Variants in GALNTL6 observed in about 807,000 individuals in gnomAD.
GALNTL6 encodes the protein polypeptide N-acetylgalactosaminyltransferase like 6.
In GALNTL6, 46 loss-of-function variants were observed where a neutral mutation model predicts 73.7. That is an observed-to-expected ratio of 0.62 (90% CI 0.49 to 0.80). The LOEUF (loss-of-function observed/expected upper bound fraction) is 0.80, where lower values mean the gene tolerates loss of function less well. GALNTL6 is among the 30% of genes least tolerant of loss of function. GALNTL6 has a pLI of 0.00. For synonymous variants in GALNTL6, 259 were observed against 263.7 expected, an observed-to-expected ratio of 0.98 and a Z score of 0.17; for missense variants, 604 against 755.0, an observed-to-expected ratio of 0.80 and a Z score of 2.34.
Position 172,598,697 on chromosome 4 carries a change from A to T in GALNTL6, c.554-210664A>T, listed in dbSNP as rs554529922. ...ACCTATCATCCAAACACATAAACAA[A>T]TTCTTTTTGAAACAGTCAGAAATGT... On this transcript the variant is annotated intron_variant, in intron 5 of 12. Transcript: ENST00000506823. Among the ~76,000 whole-genome samples the T allele has an allele frequency of 2.0e-5, 3 of 152,256 alleles. No individual in the cohort carries two copies. In the South Asian group the frequency reaches 6.2e-4, roughly 32 times the overall value.
chr4:172,965,082 G>C (rs573837085), intron 10 of GALNTL6, among the ~76,000 whole-genome samples: 4 of 152,328 alleles, frequency 2.6e-5, no homozygotes, highest in Admixed American at 6.5e-5. Flanking sequence ...CATTCAGACT[G>C]TATTAGACTT....
chr4:171,894,668 T>C (rs1736857775), intron 2 of GALNTL6, among the ~76,000 whole-genome samples: 1 of 152,186 alleles, frequency 6.6e-6, no homozygotes, highest in Admixed American at 6.5e-5. Context: ...GGCCCAACTG[T>C]TTCTTTTAAA....
At chr4:172,276,251 G>T (rs1054210009) in intron 3 of GALNTL6, among the ~76,000 whole-genome samples, 1 of 152,086 alleles carries the variant, frequency 6.6e-6, no homozygotes, top group African/African-American at 2.4e-5. Context: ...CATGAATGTG[G>T]ACATGTTTCC....
At chr4:172,379,888 G>A (rs1359321553) in intron 5 of GALNTL6, 1 of 504,812 alleles carries the variant, frequency 2.0e-6, no homozygotes, top group Non-Finnish European at 3.7e-6. Flanking sequence ...TTGCTAATGT[G>A]CATTTAATCA....
At chr4:172,161,508 AT>A (rs1384511836) in intron 2 of GALNTL6, among the ~76,000 whole-genome samples, 1 of 152,056 alleles carries the variant, frequency 6.6e-6, no homozygotes, top group African/African-American at 2.4e-5. Flanking sequence ...CAGAGAAACC[AT>A]TTTGCTGATG....
At chr4:172,984,593 A>G (rs1004489370) in intron 10 of GALNTL6, among the ~76,000 whole-genome samples, 1 of 152,144 alleles carries the variant, frequency 6.6e-6, no homozygotes, top group African/African-American at 2.4e-5. Flanking sequence ...TGTGGAAACA[A>G]TAGACACTGG....
chr4:172,182,471 C>CT (rs201315332), intron 2 of GALNTL6, among the ~76,000 whole-genome samples: 9,639 of 142,616 alleles, frequency 0.068, 502 homozygotes, highest in African/African-American at 0.16. Context: ...CAGATATCTT[C>CT]TTTTTTTTTG....
chr4:172,747,434 T>G (rs1338127234), intron 5 of GALNTL6, among the ~76,000 whole-genome samples: 1 of 151,960 alleles, frequency 6.6e-6, no homozygotes, highest in Non-Finnish European at 1.5e-5. Context: ...GATAGCTAAT[T>G]ATCAAAAAAA....
At chr4:172,376,302 G>A (rs1459700440) in intron 5 of GALNTL6, among the ~76,000 whole-genome samples, 1 of 152,194 alleles carries the variant, frequency 6.6e-6, no homozygotes, top group African/African-American at 2.4e-5. Context: ...TTAGGACCCA[G>A]GAGTCAAGGG....
At chr4:172,104,384 C>A (rs1232806116) in intron 2 of GALNTL6, among the ~76,000 whole-genome samples, 1 of 151,814 alleles carries the variant, frequency 6.6e-6, no homozygotes, top group Non-Finnish European at 1.5e-5. Flanking sequence ...GAAACATCGA[C>A]TTAAATTAAA....
At chr4:172,603,753 A>T (rs1738154723) in intron 5 of GALNTL6, among the ~76,000 whole-genome samples, 1 of 152,200 alleles carries the variant, frequency 6.6e-6, no homozygotes, top group Admixed American at 6.5e-5. Flanking sequence ...TCTATATGTC[A>T]ATGCTTGATT....
At chr4:172,493,868 C>T (rs2110754814) in intron 5 of GALNTL6, among the ~76,000 whole-genome samples, 1 of 152,224 alleles carries the variant, frequency 6.6e-6, no homozygotes, top group African/African-American at 2.4e-5. Context: ...AGCCTTGTTT[C>T]CTCATACCCT....
chr4:172,695,678 T>A (rs570281492), intron 5 of GALNTL6, among the ~76,000 whole-genome samples: 127 of 152,350 alleles, frequency 8.3e-4, no homozygotes, highest in African/African-American at 2.8e-3. Flanking sequence ...CTGGGCACTG[T>A]GGCTCACGCC....
intron 5 of GALNTL6, among the ~76,000 whole-genome samples, chr4:172,399,665 T>G (rs1743970780): frequency 6.6e-6 from 1 of 152,126 alleles, no homozygotes; most frequent in East Asian, 1.9e-4. Flanking sequence ...GCAGGAGTCC[T>G]AGATATGTGT....
chr4:171,860,696 A>C (rs1174884790), intron 2 of GALNTL6, among the ~76,000 whole-genome samples: 2 of 152,166 alleles, frequency 1.3e-5, no homozygotes, highest in African/African-American at 4.8e-5. Context: ...TTATTTGACC[A>C]ATCAGTAAAT....
chr4:172,469,107 G>A (rs1376628298), intron 5 of GALNTL6, among the ~76,000 whole-genome samples: 3 of 152,178 alleles, frequency 2.0e-5, no homozygotes, highest in South Asian at 4.1e-4. Context: ...GATGAGTTGA[G>A]CCAAGTCTAT....
intron 7 of GALNTL6, among the ~76,000 whole-genome samples, chr4:172,838,185 A>ACACCTCC (rs1360487832): frequency 2.0e-5 from 3 of 152,194 alleles, no homozygotes; most frequent in Non-Finnish European, 4.4e-5. Context: ...TCCTCCCGTC[A>ACACCTCC]CACCTCCCAC....
chr4:172,824,649 T>A (rs1380874591), intron 7 of GALNTL6, among the ~76,000 whole-genome samples: 1 of 152,150 alleles, frequency 6.6e-6, no homozygotes, highest in Non-Finnish European at 1.5e-5. Flanking sequence ...TTTGAGTCTA[T>A]GCTGCTGTCT....
intron 2 of GALNTL6, among the ~76,000 whole-genome samples, chr4:172,164,966 G>A (rs1227767566): frequency 3.3e-5 from 5 of 152,052 alleles, no homozygotes; most frequent in South Asian, 2.1e-4. Flanking sequence ...TCAGGTGCTC[G>A]CCTTATCAAC....
Sources: allele counts gnomAD v4.1 joint callset (sites outside exome capture counted in the v4.1 genomes callset), GRCh38; gene constraint gnomAD v4.1.1; transcripts MANE v1.5; gene names NCBI Gene and HGNC (gene_info 2026-07-23, HGNC 2026-07-21).